Variants in OPHN1 observed in about 807,000 individuals in gnomAD.
OPHN1 encodes oligophrenin-1.
A neutral mutation model predicts 60.7 loss-of-function variants in OPHN1; 11 were observed. The observed-to-expected ratio is 0.18, with a 90% confidence interval of 0.11 to 0.30. The LOEUF (loss-of-function observed/expected upper bound fraction) is 0.30. OPHN1 is among the 10% of genes least tolerant of loss of function. The pLI is 1.00. For synonymous variants in OPHN1, 226 were observed against 222.6 expected, an observed-to-expected ratio of 1.02 and a Z score of -0.14; for missense variants, 449 against 611.0, an observed-to-expected ratio of 0.73 and a Z score of 2.80.
chrX:68,410,757 C>T (rs2078765163), intron 2 of OPHN1, among the ~76,000 whole-genome samples: 1 of 110,791 alleles, frequency 9.0e-6, no homozygotes, highest in Non-Finnish European at 1.9e-5. Context: ...GATACACATT[C>T]GCACCATAGC....
intron 2 of OPHN1, among the ~76,000 whole-genome samples, chrX:68,313,749 T>C (rs1458782650): frequency 8.9e-6 from 1 of 111,984 alleles, no homozygotes; most frequent in Non-Finnish European, 1.9e-5. Flanking sequence ...GGTACAACGA[T>C]ATAGTTAGAA....
chrX:68,092,215 G>GA (rs1321398124), intron 19 of OPHN1, among the ~76,000 whole-genome samples: 3 of 111,204 alleles, frequency 2.7e-5, no homozygotes, highest in African/African-American at 9.8e-5. Flanking sequence ...TATTTCAACT[G>GA]AAAAATCATA....
intron 22 of OPHN1, 131 bp from the exon 23 acceptor site, chrX:68,052,721 G>A: frequency 1.7e-6 from 1 of 572,423 alleles, no homozygotes; most frequent in East Asian, 3.6e-5. Context: ...TGCTGGCAAA[G>A]GCCCTACACA....
chrX:68,329,874 T>G (rs889701519), intron 2 of OPHN1, among the ~76,000 whole-genome samples: 1 of 111,924 alleles, frequency 8.9e-6, no homozygotes, highest in African/African-American at 3.2e-5. Flanking sequence ...TTGCCTGAAC[T>G]ATGTAAAATA....
chrX:68,417,917 T>C (rs1013882554), intron 2 of OPHN1, among the ~76,000 whole-genome samples: 3 of 112,844 alleles, frequency 2.7e-5, no homozygotes, highest in Non-Finnish European at 5.6e-5. Context: ...AGCCAGACCT[T>C]GCTGGACTTG....
At chrX:68,120,945 C>T (rs183194845) in intron 15 of OPHN1, among the ~76,000 whole-genome samples, 4 of 111,698 alleles carry the variant, frequency 3.6e-5, no homozygotes, top group African/African-American at 9.7e-5. Context: ...TATCCTCATA[C>T]GGAAGGAAAT....
At chrX:68,208,273 T>C (rs2147476693) in intron 9 of OPHN1, among the ~76,000 whole-genome samples, 1 of 110,094 alleles carries the variant, frequency 9.1e-6, no homozygotes, top group Admixed American at 9.8e-5. Flanking sequence ...GTATTTTTAG[T>C]AGAGACGGGG....
At chrX:68,163,027 CT>C (rs1166379237) in intron 15 of OPHN1, among the ~76,000 whole-genome samples, 1 of 110,997 alleles carries the variant, frequency 9.0e-6, no homozygotes, top group Non-Finnish European at 1.9e-5. Flanking sequence ...CAAAGGAAGA[CT>C]TTGCCTAAAT....
chrX:68,348,622 G>A (rs1005909306), intron 2 of OPHN1, among the ~76,000 whole-genome samples: 6 of 111,320 alleles, frequency 5.4e-5, no homozygotes, highest in Non-Finnish European at 7.5e-5. Flanking sequence ...ATTTCCTTAG[G>A]GAGCATATTT....
At chrX:68,248,526 A>G (rs1261344561) in intron 5 of OPHN1, among the ~76,000 whole-genome samples, 1 of 111,817 alleles carries the variant, frequency 8.9e-6, no homozygotes, top group African/African-American at 3.3e-5. Context: ...TATGGAGAAC[A>G]GTTTGGAGGT....
rs1384014703 is a variant in OPHN1 at position 68,205,967 on chromosome X, TGA to T, written c.933+604_933+605del. The stretch of plus-strand genomic sequence containing the variant: ...ACCCCCATGTGTGTATCTGTGTGTG[TGA>T]GTGTGTGTGAGTGTGTGTGTGTGTG... On this transcript the variant is annotated intron_variant, in intron 10 of 24. Transcript: ENST00000355520. 5.6e-4 allele frequency among the ~76,000 whole-genome samples: 30 copies of T among 53,108 alleles called. No individual in the cohort carries two copies. The Admixed American group carries it at 7.9e-3, about 14-fold the overall frequency. 46.1% of individuals were successfully genotyped at this position (53,108 alleles called of 115,157 possible).
At chrX:68,060,787 C>T (rs2147356459) in intron 21 of OPHN1, among the ~76,000 whole-genome samples, 1 of 111,647 alleles carries the variant, frequency 9.0e-6, no homozygotes, top group Admixed American at 9.5e-5. Context: ...GGGGTGACAA[C>T]TGCAAGGTAC....
intron 23 of OPHN1, among the ~76,000 whole-genome samples, chrX:68,049,369 A>G (rs779536210): frequency 8.9e-6 from 1 of 111,888 alleles, no homozygotes; most frequent in Non-Finnish European, 1.9e-5. Context: ...CTGCTTCTCC[A>G]TGATTAATTA....
At chrX:68,137,805 T>C (rs757963199) in intron 15 of OPHN1, among the ~76,000 whole-genome samples, 18 of 111,764 alleles carry the variant, frequency 1.6e-4, no homozygotes, top group Non-Finnish European at 3.2e-4. Context: ...AGTACCATTT[T>C]ATTAATGACC....
In OPHN1 at chrX:68,288,750, G is replaced by A. The variant is rs2078057093; in HGVS notation, c.251-5633C>T. On this transcript the variant is annotated intron_variant, in intron 3 of 24. Coordinates refer to ENST00000355520, the MANE Select transcript of OPHN1 (RefSeq NM_002547.3). ...CTGCACTCCAGCCTGGGGGACAAGA[G>A]TGAAACTTCATCTCAAAAAGAAAAA... Among the ~76,000 whole-genome samples the A allele has an allele frequency of 2.7e-5, 3 of 111,001 alleles. No individual in the cohort carries two copies. In the South Asian group the frequency reaches 1.2e-3, roughly 43 times the overall value.
intron 2 of OPHN1, among the ~76,000 whole-genome samples, chrX:68,423,017 TC>T (rs2078837038): frequency 5.4e-5 from 1 of 18,477 alleles, no homozygotes; most frequent in African/African-American, 6.5e-5. Context: ...TATGTAGCTT[TC>T]TTTTTTTTTT....
intron 15 of OPHN1, among the ~76,000 whole-genome samples, chrX:68,172,157 G>T (rs1705505709): frequency 1.8e-5 from 2 of 112,056 alleles, no homozygotes; most frequent in Admixed American, 1.9e-4. Flanking sequence ...TTCATACAAA[G>T]ACTTGAACAA....
At chrX:68,367,928 C>T (rs113822212) in intron 2 of OPHN1, among the ~76,000 whole-genome samples, 1,272 of 111,838 alleles carry the variant, frequency 0.011, 19 homozygotes, top group African/African-American at 0.04. Context: ...AAACCTCTTT[C>T]CTTTATGAAC....
At chrX:68,388,673 TATG>T (rs1253105948) in intron 2 of OPHN1, among the ~76,000 whole-genome samples, 1 of 110,607 alleles carries the variant, frequency 9.0e-6, no homozygotes, top group Non-Finnish European at 1.9e-5. Flanking sequence ...GATGAAATGA[TATG>T]ATGTCTGAGA....
Sources: allele counts gnomAD v4.1 joint callset (sites outside exome capture counted in the v4.1 genomes callset), GRCh38; gene constraint gnomAD v4.1.1; transcripts MANE v1.5; gene names NCBI Gene and HGNC (gene_info 2026-07-23, HGNC 2026-07-21).